The following NIT2 variants were observed in gnomAD, a reference collection of about 807,000 sequenced individuals.
NIT2 encodes the protein nitrilase family member 2.
In NIT2, 46 loss-of-function variants were observed where a neutral mutation model predicts 42.7. The ratio of observed to expected loss-of-function variants is 1.08; its 90% CI spans 0.85 to 1.38. The LOEUF (loss-of-function observed/expected upper bound fraction) is 1.38, where lower values mean the gene tolerates loss of function less well. NIT2 is among the 40% of genes most tolerant of loss of function. The pLI is 0.00. For synonymous variants in NIT2, 123 were observed against 121.9 expected (o/e 1.01, Z -0.06); for missense variants, 309 against 342.5 (o/e 0.90, Z 0.77).
At chr3:100,348,907 C>T (rs779554833) in intron 7 of NIT2, 26 bp downstream of exon 7, 2 of 1,597,512 alleles carry the variant, frequency 1.3e-6, no homozygotes, top group Non-Finnish European at 1.7e-6. Flanking sequence ...TATATTCAAG[C>T]CTCTCGGCAT....
At position 100,339,825 on chromosome 3, in the gene NIT2, A is replaced by T; in HGVS notation, c.137A>T (p.Asn46Ile). The T allele has an allele frequency of 6.2e-7, 1 of 1,603,168 alleles. No homozygotes were observed. The highest frequency in any genetic ancestry group is 8.5e-7 in the Non-Finnish European group (1 of 1,176,838). ...AKIVSLPECF[N>I]SPYGAKYFPE... ...CCAATATTTTTCTAGGAATGCTTTA[A>T]TTCTCCATATGGAGCGAAATATTTT... The change falls in exon 3 of 10, where the codon AAT becomes ATT. Residue 46 changes from asparagine (N) to isoleucine (I), a missense_variant. By Grantham distance (149) the Asn-to-Ile change is moderately radical (BLOSUM62 -3). Coordinates refer to ENST00000394140, the MANE Select transcript of NIT2 (RefSeq NM_020202.5).
Position 100,354,783 on chromosome 3 carries a change from T to C in NIT2, c.695T>C (p.Leu232Pro). ...STVVNPWGEV[L>P]AKAGTEEAIV... ...TGCATCTTTTTCAGGGGGGAGGTTC[T>C]AGCCAAAGCTGGCACAGAAGAAGCA... is the stretch of plus-strand genomic sequence containing the variant. Residue 232 changes from leucine to proline, a missense_variant, in exon 9 of 10, where the codon CTA becomes CCA. Leu to Pro is a moderately conservative substitution (Grantham distance 98). Coordinates refer to ENST00000394140, the MANE Select transcript of NIT2 (RefSeq NM_020202.5). 3 of 1,609,468 alleles carry C rather than the reference T, an allele frequency of 1.9e-6. No individual in the cohort carries two copies. The highest frequency in any genetic ancestry group is 2.5e-6 in the Non-Finnish European group (3 of 1,177,742).
At chr3:100,353,046 G>A (rs1005564328) in intron 8 of NIT2, among the ~76,000 whole-genome samples, 4 of 152,160 alleles carry the variant, frequency 2.6e-5, no homozygotes, top group African/African-American at 4.8e-5. Flanking sequence ...ACGCTCATAC[G>A]CATTCCTTAC....
At chr3:100,354,165 C>A (rs1706301822) in intron 8 of NIT2, among the ~76,000 whole-genome samples, 1 of 152,170 alleles carries the variant, frequency 6.6e-6, no homozygotes. Flanking sequence ...TGTGAGGTTA[C>A]CCTCCATCCC....
In NIT2 at chr3:100,346,411, G is replaced by A. The variant is rs150247255; in HGVS notation, c.505+156G>A. 1.1e-4 allele frequency: 66 copies of A among 627,758 alleles called. No individual in the cohort carries two copies. The African/African-American group carries it at 1.2e-3, about 11-fold the overall frequency. 38.9% of individuals were successfully genotyped at this position (627,758 alleles called of 1,614,324 possible). A position where few individuals can be genotyped will look rare whatever the true frequency, so the allele number is the denominator to read the frequency against. The stretch of plus-strand genomic sequence containing the variant: ...CCATGAGGCTTCCCAGACTTTTGCT[G>A]TGTATGGATGACAGGGTTTTTGGGG... On this transcript the variant is annotated intron_variant, in intron 6 of 9. Coordinates refer to ENST00000394140, the MANE Select transcript of NIT2 (RefSeq NM_020202.5).
At chr3:100,339,962 G>C (rs759003704) in intron 3 of NIT2, 27 bp downstream of exon 3, 3 of 1,595,764 alleles carry the variant, frequency 1.9e-6, no homozygotes, top group Non-Finnish European at 2.6e-6. Context: ...AAGGTATAAT[G>C]ACCTAAACAT....
At chr3:100,343,810 TC>T (rs1706181484) in intron 4 of NIT2, among the ~76,000 whole-genome samples, 1 of 152,256 alleles carries the variant, frequency 6.6e-6, no homozygotes, top group Admixed American at 6.5e-5. Flanking sequence ...GATTGCCTTT[TC>T]TTTGCAGTTT....
rs1240797526 is a variant in NIT2 at position 100,355,320 on chromosome 3, A to G, written c.*52A>G. 1.5e-6 allele frequency: 2 copies of G among 1,320,146 alleles called. No individual in the cohort carries two copies. The highest frequency in any genetic ancestry group is 2.1e-6 in the Non-Finnish European group (2 of 933,440). 81.8% of individuals were successfully genotyped at this position (1,320,146 alleles called of 1,614,324 possible). ...ATAGGACGATATGATTCTACAACAT[A>G]ATCAACTCCCTATTAAATTCTTTAA... is the stretch of plus-strand genomic sequence containing the variant. On this transcript the variant is annotated 3_prime_UTR_variant, in exon 10 of 10. Transcript: ENST00000394140.
rs1028726563 is a variant in NIT2, at chr3:100,348,318, C to T, written c.506-485C>T. 1.1e-4 allele frequency among the ~76,000 whole-genome samples: 16 copies of T among 152,074 alleles called. No individual in the cohort carries two copies. The East Asian group carries it at 1.9e-3, about 18-fold the overall frequency. On this transcript the variant is annotated intron_variant, in intron 6 of 9. Transcript: ENST00000394140. ...GGGTGTTCCAGAAACTATCATGGCA[C>T]GGGTGGGTGTGTGATTTAGTATGTT...
chr3:100,339,665 C>A (rs1706125435), intron 2 of NIT2, 150 bp from the exon 3 acceptor site: 12 of 703,496 alleles, frequency 1.7e-5, no homozygotes, highest in Non-Finnish European at 2.8e-5. Flanking sequence ...AGGCTCTTTA[C>A]CCTTGAGATG....
In NIT2 at chr3:100,354,803, G is replaced by A; in HGVS notation, c.715G>A (p.Glu239Lys). The A allele has an allele frequency of 6.2e-7, 1 of 1,610,556 alleles. No homozygotes were observed. The highest frequency in any genetic ancestry group is 8.5e-7 in the Non-Finnish European group (1 of 1,178,272). ...GGTTCTAGCCAAAGCTGGCACAGAA[G>A]AAGCAATCGTGTATTCAGACATAGG... ...GEVLAKAGTE[E>K]AIVYSDIDLK... The change falls in exon 9 of 10, where the codon GAA becomes AAA. Residue 239 changes from glutamate to lysine, a missense_variant. Transcript: ENST00000394140.
intron 4 of NIT2, 119 bp from the exon 5 acceptor site, chr3:100,345,466 G>C: frequency 1.5e-6 from 1 of 673,018 alleles, no homozygotes; most frequent in Non-Finnish European, 2.7e-6. Context: ...CAGTTTGGGG[G>C]TGCTGTTTGT....
At chr3:100,338,677 A>G (rs1422166681) in intron 1 of NIT2, among the ~76,000 whole-genome samples, 1 of 152,074 alleles carries the variant, frequency 6.6e-6, no homozygotes, top group Non-Finnish European at 1.5e-5. Context: ...AAGGGACAGG[A>G]CCATATTCAA....
At position 100,359,466 on chromosome 3, in the gene NIT2, A is replaced by G. The variant is rs1279037383; in HGVS notation, c.*4198A>G. ...TCACCCAATTTCTTAGTTTCTTTCAATTGCTTTTCAGACCCCGGCAGGCAG... is the reference window on the plus strand; with the variant it reads ...TCACCCAATTTCTTAGTTTCTTTCAGTTGCTTTTCAGACCCCGGCAGGCAG... On this transcript the variant is annotated 3_prime_UTR_variant, in exon 10 of 10. Coordinates refer to ENST00000394140, the MANE Select transcript of NIT2 (RefSeq NM_020202.5). 1 of 152,050 alleles carries G rather than the reference A, an allele frequency of 6.6e-6. No individual in the cohort carries two copies. The highest frequency in any genetic ancestry group is 1.5e-5 in the Non-Finnish European group (1 of 68,008). The allele number at this position is 152,050 out of a possible 1,614,324, so 9.4% of individuals were successfully genotyped here.
chr3:100,349,107 A>ATT, intron 7 of NIT2: 7 of 316,736 alleles, frequency 2.2e-5, no homozygotes, highest in South Asian at 1.9e-4. Context: ...TGGAAACTGT[A>ATT]CTTTTTTTTT....
Position 100,341,180 on chromosome 3 carries a change from A to G in NIT2, c.336+19A>G, listed in dbSNP as rs373550837. ...TAGAAAGGTAAGTAGGAAGTGTGGC[A>G]TAAGAATTTGTTATCTCTAAGCCAG... On this transcript the variant is annotated intron_variant, in intron 4 of 9. Coordinates refer to ENST00000394140, the MANE Select transcript of NIT2 (RefSeq NM_020202.5). 6.3e-7 allele frequency: 1 copy of G among 1,576,476 alleles called. No homozygotes were observed. Among genetic ancestry groups the G allele is most frequent in the Non-Finnish European group, 8.7e-7 (1 of 1,145,828 alleles).
intron 6 of NIT2, 114 bp downstream of exon 6, chr3:100,346,369 C>A: frequency 1.1e-6 from 1 of 887,978 alleles, no homozygotes; most frequent in Non-Finnish European, 1.8e-6. Context: ...ATTTCTCCAT[C>A]TTCAGCCCTT....
At chr3:100,340,213 C>A (rs1039320927) in intron 3 of NIT2, among the ~76,000 whole-genome samples, 1 of 152,080 alleles carries the variant, frequency 6.6e-6, no homozygotes, top group Admixed American at 6.6e-5. Flanking sequence ...TGCAGGTGTG[C>A]GCCACCATGC....
intron 3 of NIT2, among the ~76,000 whole-genome samples, chr3:100,340,555 T>TATC: frequency 6.6e-6 from 1 of 152,220 alleles, no homozygotes. Context: ...GATGATATAT[T>TATC]AAGAATTAGA....
Sources: gnomAD v4.1 joint callset for allele counts (sites outside exome capture counted in the v4.1 genomes callset) on GRCh38, gnomAD v4.1.1 for gene constraint, MANE v1.5 for transcripts, NCBI Gene and HGNC (gene_info 2026-07-23, HGNC 2026-07-21) for gene names.